ANO4: variants seen among roughly 807,000 people sequenced by gnomAD.
ANO4 encodes the protein anoctamin-4.
ANO4 carries 69 observed loss-of-function variants against 141.9 expected under a neutral mutation model. That is an observed-to-expected ratio of 0.49 (90% CI 0.40 to 0.59). The LOEUF is 0.59. Among genes scored for constraint, ANO4 ranks in the 20% least tolerant of loss-of-function variants. The pLI, the probability that ANO4 is intolerant of heterozygous loss-of-function variation, is 0.00. For synonymous variants in ANO4, 350 were observed against 394.3 expected (o/e 0.89, Z 1.33); for missense variants, 894 against 1,162.2 (o/e 0.77, Z 3.36).
At chr12:100,801,401 T>C (rs1388855050) in intron 1 of ANO4, among the ~76,000 whole-genome samples, 1 of 152,174 alleles carries the variant, frequency 6.6e-6, no homozygotes, top group Non-Finnish European at 1.5e-5. Flanking sequence ...CCCCAGGAAA[T>C]GTTTCTGCTT....
chr12:101,068,416 T>C (rs2048681234), intron 14 of ANO4: 1 of 930,128 alleles, frequency 1.1e-6, no homozygotes, highest in Admixed American at 1.7e-5. Flanking sequence ...AAGCTGAGTA[T>C]CTCGCTGTTT....
chr12:100,879,447 T>C lies in ANO4; in HGVS notation c.-140-22199T>C, dbSNP rs909055568. 3.9e-5 allele frequency among the ~76,000 whole-genome samples: 6 copies of C among 152,276 alleles called. No homozygotes were observed. In the East Asian group the frequency reaches 1.2e-3, roughly 29 times the overall value. On this transcript the variant is annotated intron_variant, in intron 1 of 27. Coordinates refer to ENST00000392977, the MANE Select transcript of ANO4 (RefSeq NM_001286615.2). Reference sequence around the variant, plus strand: ...TAGAATTTGTAAATCTAATTGTTGTTTCTCTGTAAAATTGGGAGACCCTCA... The same window carrying C: ...TAGAATTTGTAAATCTAATTGTTGTCTCTCTGTAAAATTGGGAGACCCTCA...
At chr12:101,084,812 G>A (rs757166926) in intron 16 of ANO4, among the ~76,000 whole-genome samples, 1 of 152,180 alleles carries the variant, frequency 6.6e-6, no homozygotes, top group Non-Finnish European at 1.5e-5. Context: ...CTGTTCTATG[G>A]ATGGGGAACT....
chr12:100,996,589 G>A (rs566937936), intron 8 of ANO4, among the ~76,000 whole-genome samples: 1 of 152,366 alleles, frequency 6.6e-6, no homozygotes, highest in South Asian at 2.1e-4. Flanking sequence ...GGAAGCTGAG[G>A]CAGGAGAATC....
intron 1 of ANO4, among the ~76,000 whole-genome samples, chr12:100,719,671 G>A (rs1214055799): frequency 2.6e-5 from 4 of 152,202 alleles, no homozygotes; most frequent in African/African-American, 4.8e-5. Flanking sequence ...CAGTTACACT[G>A]TAGACCATGT....
intron 1 of ANO4, among the ~76,000 whole-genome samples, chr12:100,803,705 T>C (rs529410064): frequency 6.6e-6 from 1 of 152,322 alleles, no homozygotes; most frequent in South Asian, 2.1e-4. Flanking sequence ...GCAAGTGAGC[T>C]GGTCTCCTTG....
At chr12:100,991,959 A>G (rs992356232) in intron 8 of ANO4, among the ~76,000 whole-genome samples, 4 of 152,134 alleles carry the variant, frequency 2.6e-5, no homozygotes, top group African/African-American at 9.7e-5. Context: ...AAACAGCACT[A>G]ATATTTGTCC....
intron 22 of ANO4, among the ~76,000 whole-genome samples, chr12:101,103,183 T>TTATATATATATATATATATA (rs71091476): frequency 5.4e-5 from 1 of 18,582 alleles, no homozygotes; most frequent in African/African-American, 2.0e-4. Flanking sequence ...TTTAGTCATT[T>TTATATATATATATATATATA]TATATATATA....
intron 1 of ANO4, among the ~76,000 whole-genome samples, chr12:100,814,636 A>T (rs571094427): frequency 6.6e-6 from 1 of 152,220 alleles, no homozygotes; most frequent in Admixed American, 6.5e-5. Context: ...CTAAGATCCC[A>T]ATGGCCAAGA....
At chr12:100,738,735 A>G (rs921369086) in intron 2 of ANO4, among the ~76,000 whole-genome samples, 1 of 151,968 alleles carries the variant, frequency 6.6e-6, no homozygotes, top group Non-Finnish European at 1.5e-5. Context: ...TGGTATACAT[A>G]GTGAAATGAT....
chr12:101,006,141 T>C (rs73148842), intron 8 of ANO4, among the ~76,000 whole-genome samples: 88 of 152,336 alleles, frequency 5.8e-4, no homozygotes, highest in Non-Finnish European at 1.1e-3. Context: ...AAAAGGCTAT[T>C]CCCCAGCCTT....
chr12:101,110,608 T>C, intron 23 of ANO4, 52 bp downstream of exon 23: 15 of 1,394,456 alleles, frequency 1.1e-5, no homozygotes, highest in South Asian at 1.9e-5. Context: ...ATCTGGTGGA[T>C]AAAATTTTAA....
chr12:100,962,011 A>G (rs1256217454), intron 5 of ANO4, among the ~76,000 whole-genome samples: 1 of 152,222 alleles, frequency 6.6e-6, no homozygotes, highest in Non-Finnish European at 1.5e-5. Context: ...ATGTTGCATC[A>G]GGGGATTCAC....
intron 1 of ANO4, among the ~76,000 whole-genome samples, chr12:100,824,046 G>A (rs1045417057): frequency 1.3e-5 from 2 of 151,932 alleles, no homozygotes; most frequent in Non-Finnish European, 2.9e-5. Context: ...CATTTTTCTG[G>A]ATATGAGTGG....
chr12:100,952,935 C>T lies in ANO4; in HGVS notation c.456+10400C>T, dbSNP rs2043030871. ...AAATCAACACGTATTTCATATAACTCACGCATATTACTTCAGTCAAGACAG... is the reference window on the plus strand; with the variant it reads ...AAATCAACACGTATTTCATATAACTTACGCATATTACTTCAGTCAAGACAG... On this transcript the variant is annotated intron_variant, in intron 5 of 27. Transcript: ENST00000392977. Among the ~76,000 whole-genome samples, 5 of 152,244 alleles carry T rather than the reference C, an allele frequency of 3.3e-5. 1 individual carries two copies. The South Asian group carries it at 8.3e-4, about 25-fold the overall frequency.
intron 3 of ANO4, among the ~76,000 whole-genome samples, chr12:100,742,199 T>G (rs1381922768): frequency 1.3e-5 from 2 of 152,182 alleles, no homozygotes; most frequent in African/African-American, 4.8e-5. Context: ...GATAATCATT[T>G]TATCATAGAA....
intron 21 of ANO4, among the ~76,000 whole-genome samples, chr12:101,098,732 A>T (rs548768424): frequency 1.3e-5 from 2 of 152,378 alleles, no homozygotes; most frequent in East Asian, 3.9e-4. Flanking sequence ...CTACTTTAAG[A>T]TATAAATCAC....
chr12:100,945,881 A>G (rs1004355435), intron 5 of ANO4, among the ~76,000 whole-genome samples: 1 of 152,224 alleles, frequency 6.6e-6, no homozygotes, highest in Non-Finnish European at 1.5e-5. Flanking sequence ...GCATTGCTTT[A>G]AGGACTAGGA....
chr12:100,974,552 C>T (rs2044078199), intron 6 of ANO4, among the ~76,000 whole-genome samples: 1 of 152,036 alleles, frequency 6.6e-6, no homozygotes, highest in South Asian at 2.1e-4. Flanking sequence ...ATACCAATCA[C>T]TCCAAATTAT....
Sources: gnomAD v4.1 joint callset for allele counts (sites outside exome capture counted in the v4.1 genomes callset) on GRCh38, gnomAD v4.1.1 for gene constraint, MANE v1.5 for transcripts, NCBI Gene and HGNC (gene_info 2026-07-23, HGNC 2026-07-21) for gene names.